Variants in PDE6C observed in about 807,000 individuals in gnomAD.
PDE6C encodes the protein cone cGMP-specific 3',5'-cyclic phosphodiesterase subunit alpha'.
A neutral mutation model predicts 113.1 loss-of-function variants in PDE6C; 75 were observed. The ratio of observed to expected loss-of-function variants is 0.66; its 90% CI spans 0.55 to 0.80. The LOEUF (loss-of-function observed/expected upper bound fraction) is 0.80. Ranked by LOEUF, PDE6C falls within the 30% of genes least tolerant of loss-of-function variation. The pLI, the probability that PDE6C is intolerant of heterozygous loss-of-function variation, is 0.00. For synonymous variants in PDE6C, 375 were observed against 363.7 expected, an observed-to-expected ratio of 1.03 and a Z score of -0.35; for missense variants, 912 against 1,038.6, an observed-to-expected ratio of 0.88 and a Z score of 1.67.
At chr10:93,635,080 C>G (rs773991807) in intron 9 of PDE6C, among the ~76,000 whole-genome samples, 173 bp downstream of exon 9, 5 of 152,200 alleles carry the variant, frequency 3.3e-5, no homozygotes, top group Non-Finnish European at 5.9e-5. Flanking sequence ...CTTCTATAAA[C>G]TGCAACATTT....
At chr10:93,647,417 C>G (rs888090001) in intron 15 of PDE6C, among the ~76,000 whole-genome samples, 3 of 152,014 alleles carry the variant, frequency 2.0e-5, no homozygotes, top group Non-Finnish European at 4.4e-5. Flanking sequence ...CCTCATAAGC[C>G]AAGCAGGAAA....
At chr10:93,646,990 A>G (rs1025142679) in intron 15 of PDE6C, among the ~76,000 whole-genome samples, 2 of 152,220 alleles carry the variant, frequency 1.3e-5, no homozygotes, top group African/African-American at 4.8e-5. Context: ...GGGTGGGATC[A>G]GAGATGGCTT....
At chr10:93,654,802 C>CTTTCTTTCT (rs753652935) in intron 15 of PDE6C, among the ~76,000 whole-genome samples, 83 of 82,674 alleles carry the variant, frequency 1.0e-3, no homozygotes, top group African/African-American at 3.7e-3. Context: ...TTCTTTCTTT[C>CTTTCTTTCT]TTTCTTTCTT....
At position 93,613,038 on chromosome 10, in the gene PDE6C, A is replaced by C. The variant is rs759933390; in HGVS notation, c.313A>C (p.Asn105His). 1 of 1,614,110 alleles carries C rather than the reference A, an allele frequency of 6.2e-7. No homozygotes were observed. Among genetic ancestry groups the C allele is most frequent in the Non-Finnish European group, 8.5e-7 (1 of 1,180,026 alleles). The change falls in exon 1 of 22, where the codon AAC becomes CAC. Residue 105 changes from asparagine (N) to histidine (H), a missense_variant. Transcript: ENST00000371447. ...RCSMFLCRSRNGIPEVASRLL... is the reference protein window; with the variant it reads ...RCSMFLCRSRHGIPEVASRLL... ...CAGCATGTTCCTGTGCCGGTCCCGG[A>C]ACGGCATACCTGAGGTGGCCTCTAG...
chr10:93,627,872 G>A (rs7080485), intron 7 of PDE6C, among the ~76,000 whole-genome samples: 23,927 of 152,200 alleles, frequency 0.16, 2,775 homozygotes, highest in African/African-American at 0.33. Context: ...CGCATTTTCT[G>A]TGTAAGAGTA....
At position 93,662,112 on chromosome 10, in the gene PDE6C, A is replaced by G. The variant is rs1296515902; in HGVS notation, c.2262A>G (p.Thr754=). The G allele has an allele frequency of 2.1e-5, 33 of 1,606,972 alleles. No individual in the cohort carries two copies. The highest frequency in any genetic ancestry group is 2.7e-5 in the Non-Finnish European group (32 of 1,173,694). The change falls in exon 19 of 22, where the codon ACA becomes ACG. Residue 754 remains threonine, a synonymous_variant. Transcript: ENST00000371447. ...EFWEQGDLER[T]VLQQQPIPMM... ...GGGAACAAGGAGATCTGGAGAGAAC[A>G]GTGTTGCAGCAACAACCCATTGTAA...
intron 21 of PDE6C, 30 bp from the exon 22 acceptor site, chr10:93,665,330 T>TAATA: frequency 1.9e-6 from 3 of 1,552,542 alleles, no homozygotes; most frequent in Non-Finnish European, 2.7e-6. Flanking sequence ...CACTAACTCC[T>TAATA]AATAATATTG....
At chr10:93,653,372 G>C (rs569826262) in intron 15 of PDE6C, among the ~76,000 whole-genome samples, 1 of 152,286 alleles carries the variant, frequency 6.6e-6, no homozygotes, top group Admixed American at 6.5e-5. Context: ...TCCAGGCACG[G>C]TGGCTCATGC....
At chr10:93,621,219 T>A (rs2058444705) in intron 3 of PDE6C, among the ~76,000 whole-genome samples, 1 of 152,176 alleles carries the variant, frequency 6.6e-6, no homozygotes. Context: ...TCAGTCTAGA[T>A]CCCGAGTGGA....
chr10:93,632,754 T>G (rs11814998), intron 8 of PDE6C, among the ~76,000 whole-genome samples: 5 of 152,188 alleles, frequency 3.3e-5, no homozygotes, highest in Admixed American at 6.5e-5. Flanking sequence ...GCAAGCACTA[T>G]GCACTGCATC....
At position 93,640,103 on chromosome 10, in the gene PDE6C, C is replaced by A. The variant is rs1317710071; in HGVS notation, c.1516C>A (p.Leu506Met). ...CTTGCCAGACCCACGCTCAGCAGAACTGTACGAATTCCGCTTCAGTGACTT... is the reference window on the plus strand; with the variant it reads ...CTTGCCAGACCCACGCTCAGCAGAAATGTACGAATTCCGCTTCAGTGACTT... ...EDLPDPRSAE[L>M]YEFRFSDFPL... The change falls in exon 12 of 22, where the codon CTG becomes ATG. Residue 506 changes from leucine to methionine, a missense_variant. Physicochemically the swap from Leu to Met is conservative, Grantham distance 15. Transcript: ENST00000371447. 6.2e-7 allele frequency: 1 copy of A among 1,614,084 alleles called. No homozygotes were observed. Among genetic ancestry groups the A allele is most frequent in the Admixed American group, 1.7e-5 (1 of 60,020 alleles).
At chr10:93,633,237 G>A (rs939595112) in intron 8 of PDE6C, among the ~76,000 whole-genome samples, 10 of 151,980 alleles carry the variant, frequency 6.6e-5, no homozygotes, top group Admixed American at 2.6e-4. Flanking sequence ...AGGCTGAGGC[G>A]GGCGGATCAC....
At chr10:93,627,258 C>CAAAAAAAAAAA (rs57142181) in intron 7 of PDE6C, among the ~76,000 whole-genome samples, 4 of 52,554 alleles carry the variant, frequency 7.6e-5, no homozygotes, top group African/African-American at 1.9e-4. Context: ...TGAAACTCCA[C>CAAAAAAAAAAA]AAAAAAAAAA....
intron 9 of PDE6C, 94 bp downstream of exon 9, chr10:93,635,001 G>A: frequency 7.4e-7 from 1 of 1,345,268 alleles, no homozygotes; most frequent in Non-Finnish European, 1.1e-6. Flanking sequence ...TATTTTGAAG[G>A]GCCATTAAGA....
intron 1 of PDE6C, among the ~76,000 whole-genome samples, chr10:93,614,786 G>C (rs2058412312): frequency 6.6e-6 from 1 of 152,242 alleles, no homozygotes; most frequent in South Asian, 2.1e-4. Context: ...GAGCATCACG[G>C]CATGGACGGA....
chr10:93,658,007 A>C (rs114816657), intron 16 of PDE6C, among the ~76,000 whole-genome samples: 5,560 of 151,838 alleles, frequency 0.037, 126 homozygotes, highest in Middle Eastern at 0.089. Flanking sequence ...TGTCTCTACA[A>C]AAAAATTAAA....
At chr10:93,615,167 C>T (rs1319779126) in intron 1 of PDE6C, among the ~76,000 whole-genome samples, 1 of 152,122 alleles carries the variant, frequency 6.6e-6, no homozygotes, top group Non-Finnish European at 1.5e-5. Context: ...TGGTGTGTGC[C>T]TGGAGTCCCA....
At chr10:93,653,114 CAAAT>C (rs1053324120) in intron 15 of PDE6C, among the ~76,000 whole-genome samples, 3 of 152,042 alleles carry the variant, frequency 2.0e-5, no homozygotes, top group Non-Finnish European at 4.4e-5. Flanking sequence ...CATCAGTGAA[CAAAT>C]AAAGGCAGTG....
chr10:93,642,491 T>C (rs542512315), intron 14 of PDE6C, among the ~76,000 whole-genome samples: 2 of 152,192 alleles, frequency 1.3e-5, no homozygotes, highest in South Asian at 2.1e-4. Flanking sequence ...GGTTTTAAGA[T>C]GGTCTATCTG....
Sources: allele counts gnomAD v4.1 joint callset (sites outside exome capture counted in the v4.1 genomes callset), GRCh38; gene constraint gnomAD v4.1.1; transcripts MANE v1.5; gene names NCBI Gene and HGNC (gene_info 2026-07-23, HGNC 2026-07-21).